Variants in LIN54 observed in about 807,000 individuals in gnomAD.
The protein encoded by LIN54 is protein lin-54 homolog.
In LIN54, 9 loss-of-function variants were observed where a neutral mutation model predicts 78.7. The observed-to-expected ratio is 0.11, with a 90% confidence interval of 0.07 to 0.20. The LOEUF (loss-of-function observed/expected upper bound fraction) is 0.20, where lower values mean the gene tolerates loss of function less well. Ranked by LOEUF, LIN54 falls within the 10% of genes least tolerant of loss-of-function variation. The pLI is 1.00. For synonymous variants in LIN54, 269 were observed against 318.4 expected, an observed-to-expected ratio of 0.84 and a Z score of 1.65; for missense variants, 573 against 889.9, an observed-to-expected ratio of 0.64 and a Z score of 4.53.
intron 1 of LIN54, among the ~76,000 whole-genome samples, chr4:83,000,066 T>A (rs1424078799): frequency 1.3e-5 from 2 of 151,912 alleles, no homozygotes; most frequent in East Asian, 3.9e-4. Flanking sequence ...CTAAATTTTT[T>A]AAATTTTTAT....
intron 1 of LIN54, among the ~76,000 whole-genome samples, chr4:82,993,992 TGC>T (rs2079229463): frequency 6.6e-6 from 1 of 152,136 alleles, no homozygotes; most frequent in Admixed American, 6.6e-5. Flanking sequence ...CTCCAATATT[TGC>T]TACCTGGAGC....
chr4:83,001,245 G>A (rs1028281608), intron 1 of LIN54, among the ~76,000 whole-genome samples: 1 of 152,112 alleles, frequency 6.6e-6, no homozygotes, highest in African/African-American at 2.4e-5. Context: ...GGTGGGAGGT[G>A]AAGGGTTTCA....
chr4:83,006,748 T>C (rs1324670642), intron 1 of LIN54, among the ~76,000 whole-genome samples: 2 of 152,238 alleles, frequency 1.3e-5, no homozygotes, highest in Non-Finnish European at 2.9e-5. Context: ...TTAGGTGAGC[T>C]TCCTTAACTT....
upstream of LIN54, chr4:83,010,854 G>A (rs1010174276): frequency 2.2e-6 from 2 of 900,302 alleles, no homozygotes; most frequent in Non-Finnish European, 2.5e-6. Flanking sequence ...TCCCCTCCCC[G>A]CCCGCCCCAC....
chr4:82,939,501 C>T (rs756948695), intron 7 of LIN54, 38 bp downstream of exon 7: 3 of 1,529,952 alleles, frequency 2.0e-6, no homozygotes, highest in South Asian at 2.2e-5. Flanking sequence ...ACCCCATTAT[C>T]ACTTTTGCAA....
intron 5 of LIN54, among the ~76,000 whole-genome samples, chr4:82,941,221 G>A (rs1006163723): frequency 4.7e-5 from 7 of 149,816 alleles, no homozygotes; most frequent in African/African-American, 1.7e-4. Context: ...GGAGGACACA[G>A]TATTGAGATG....
Position 82,972,841 on chromosome 4 carries a change from C to CGTG in LIN54, c.809-2375_809-2373dup, listed in dbSNP as rs1725781940. 2.7e-5 allele frequency among the ~76,000 whole-genome samples: 4 copies of CGTG among 150,406 alleles called. No homozygotes were observed. The Admixed American group carries it at 2.7e-4, about 10-fold the overall frequency. Reference sequence around the variant, plus strand: ...ACTAAAACTACAAAAATTAGCCAGGCGTGGTAGCGTGCGTCTATAATCCCA... The same window carrying CGTG: ...ACTAAAACTACAAAAATTAGCCAGGCGTGGTGGTAGCGTGCGTCTATAATCCCA... On this transcript the variant is annotated intron_variant, in intron 3 of 12. Coordinates refer to ENST00000340417, the MANE Select transcript of LIN54 (RefSeq NM_194282.4).
rs1252167159 is a variant in LIN54 at position 82,936,397 on chromosome 4, C to T, written c.1605-16G>A. ...ATCACAATACCTGAAAGGTAAAAGT[C>T]AGTATAAGGTAAAAAGTCATTATTA... On this transcript the variant is annotated splice_polypyrimidine_tract_variant and intron_variant, in intron 9 of 12. Transcript: ENST00000340417. 1.4e-6 allele frequency: 2 copies of T among 1,401,586 alleles called. No homozygotes were observed. Among genetic ancestry groups the T allele is most frequent in the Non-Finnish European group, 2.0e-6 (2 of 1,013,228 alleles). The allele number at this position is 1,401,586 out of a possible 1,614,324, so 86.8% of individuals were successfully genotyped here.
At chr4:82,998,141 A>C (rs1728401279) in intron 1 of LIN54, among the ~76,000 whole-genome samples, 1 of 151,304 alleles carries the variant, frequency 6.6e-6, no homozygotes, top group Admixed American at 6.6e-5. Context: ...GTTCTTTTCT[A>C]GTTACAGAAG....
intron 12 of LIN54, among the ~76,000 whole-genome samples, chr4:82,930,363 T>TA (rs1248259369): frequency 6.6e-6 from 1 of 152,226 alleles, no homozygotes; most frequent in African/African-American, 2.4e-5. Context: ...AGACATGCCT[T>TA]ATTCCTCACA....
At chr4:82,931,242 G>A (rs1721927005) in intron 11 of LIN54, 97 bp from the exon 12 acceptor site, 5 of 831,996 alleles carry the variant, frequency 6.0e-6, no homozygotes, top group East Asian at 5.0e-5. Context: ...AGCATTACCT[G>A]GTCAACTGAT....
At position 82,925,818 on chromosome 4, in the gene LIN54, TAA is replaced by T. The variant is rs1193282949; in HGVS notation, c.*2282_*2283del. ...ATTCTTTGAATAGCTCTAGTAAATA[TAA>T]ATTTAATCTTTCTACTTTGGGATGT... On this transcript the variant is annotated 3_prime_UTR_variant, in exon 13 of 13. Coordinates refer to ENST00000340417, the MANE Select transcript of LIN54 (RefSeq NM_194282.4). The T allele has an allele frequency of 1.3e-5, 2 of 152,654 alleles. No individual in the cohort carries two copies. Among genetic ancestry groups the T allele is most frequent in the African/African-American group, 4.8e-5 (2 of 41,466 alleles). The allele number at this position is 152,654 out of a possible 1,614,324, so 9.5% of individuals were successfully genotyped here.
At chr4:82,964,802 G>A (rs1265165345) in intron 4 of LIN54, among the ~76,000 whole-genome samples, 5 of 152,128 alleles carry the variant, frequency 3.3e-5, no homozygotes, top group Non-Finnish European at 7.4e-5. Flanking sequence ...GAGTTGGGTA[G>A]ATCACTTGAG....
intron 12 of LIN54, 54 bp from the exon 13 acceptor site, chr4:82,928,357 G>T: frequency 7.5e-7 from 1 of 1,341,914 alleles, no homozygotes. Flanking sequence ...AACAACAAAA[G>T]TGGATAACAT....
At chr4:82,937,345 C>T (rs1352602228) in intron 8 of LIN54, 47 bp from the exon 9 acceptor site, 3 of 1,215,424 alleles carry the variant, frequency 2.5e-6, no homozygotes, top group Non-Finnish European at 3.4e-6. Flanking sequence ...TTAATAGTAA[C>T]TAAAATTAAT....
chr4:82,955,555 T>C (rs1424785068), intron 4 of LIN54, among the ~76,000 whole-genome samples: 4 of 151,954 alleles, frequency 2.6e-5, no homozygotes, highest in Non-Finnish European at 5.9e-5. Flanking sequence ...CATATAGAAC[T>C]GGATCTCAAT....
rs746025304 is a variant in LIN54, at chr4:82,928,055, C to T, written c.*47G>A. 6.6e-6 allele frequency: 10 copies of T among 1,513,190 alleles called. No individual in the cohort carries two copies. In the East Asian group the frequency reaches 9.0e-5, roughly 14 times the overall value. The allele number at this position is 1,513,190 out of a possible 1,614,324, so 93.7% of individuals were successfully genotyped here. On this transcript the variant is annotated 3_prime_UTR_variant, in exon 13 of 13. Coordinates refer to ENST00000340417, the MANE Select transcript of LIN54 (RefSeq NM_194282.4). ...TTCCAGAAAATCAAGTGTCCCTGCA[C>T]CTTAAATTTTCTGTACAGTTCCATT... is the stretch of plus-strand genomic sequence containing the variant.
At chr4:83,007,160 AAAAT>A (rs1473544159) in intron 1 of LIN54, among the ~76,000 whole-genome samples, 2 of 151,998 alleles carry the variant, frequency 1.3e-5, no homozygotes, top group African/African-American at 2.4e-5. Flanking sequence ...TAAATACATA[AAAAT>A]AAATAAATAA....
At chr4:82,979,086 C>T (rs978288796) in intron 2 of LIN54, 80 bp from the exon 3 acceptor site, 11 of 1,082,266 alleles carry the variant, frequency 1.0e-5, no homozygotes, top group African/African-American at 4.7e-5. Context: ...AAGATTCACA[C>T]AAAGTAGCAC....
Sources: gnomAD v4.1 joint callset for allele counts (sites outside exome capture counted in the v4.1 genomes callset) on GRCh38, gnomAD v4.1.1 for gene constraint, MANE v1.5 for transcripts, NCBI Gene and HGNC (gene_info 2026-07-23, HGNC 2026-07-21) for gene names.